The following SPAG16 variants were observed in gnomAD, a reference collection of about 807,000 sequenced individuals.
The protein encoded by SPAG16 is sperm associated antigen 16.
A neutral mutation model predicts 80.4 loss-of-function variants in SPAG16; 86 were observed. That is an observed-to-expected ratio of 1.07 (90% CI 0.90 to 1.28). The LOEUF (loss-of-function observed/expected upper bound fraction) is 1.28. Ranked by LOEUF, SPAG16 falls within the 50% of genes most tolerant of loss-of-function variation. SPAG16 has a pLI of 0.00. For synonymous variants in SPAG16, 294 were observed against 265.9 expected, an observed-to-expected ratio of 1.11 and a Z score of -1.03; for missense variants, 870 against 765.3, an observed-to-expected ratio of 1.14 and a Z score of -1.61.
intron 10 of SPAG16, among the ~76,000 whole-genome samples, chr2:213,803,579 A>G (rs1389668437): frequency 6.6e-6 from 1 of 152,192 alleles, no homozygotes; most frequent in East Asian, 1.9e-4. Context: ...AAAACAAAAC[A>G]AAGCAAAATA....
chr2:214,047,968 G>A (rs1322435745), intron 13 of SPAG16, among the ~76,000 whole-genome samples: 2 of 152,138 alleles, frequency 1.3e-5, no homozygotes, highest in African/African-American at 4.8e-5. Flanking sequence ...TCACAGAAGT[G>A]CAAATCAATG....
intron 9 of SPAG16, among the ~76,000 whole-genome samples, chr2:213,440,303 A>G (rs943583557): frequency 4.6e-5 from 7 of 152,176 alleles, no homozygotes; most frequent in Admixed American, 4.6e-4. Flanking sequence ...TAATCCCAGC[A>G]CTTTGGGAGG....
chr2:214,127,083 T>C (rs925655764), intron 14 of SPAG16, among the ~76,000 whole-genome samples: 1 of 151,856 alleles, frequency 6.6e-6, no homozygotes, highest in Non-Finnish European at 1.5e-5. Context: ...GCTGCTAATA[T>C]GGACATTCAG....
At chr2:213,531,748 CTCAT>C (rs1352916892) in intron 10 of SPAG16, among the ~76,000 whole-genome samples, 1 of 152,056 alleles carries the variant, frequency 6.6e-6, no homozygotes, top group Non-Finnish European at 1.5e-5. Flanking sequence ...TTTGAAATCT[CTCAT>C]TCATCAAAAA....
intron 10 of SPAG16, among the ~76,000 whole-genome samples, chr2:213,644,617 C>G (rs1221668451): frequency 6.6e-6 from 1 of 152,248 alleles, no homozygotes; most frequent in African/African-American, 2.4e-5. Context: ...CCTTCACAGT[C>G]TTGGACAAGG....
At chr2:213,535,764 A>C (rs886208999) in intron 10 of SPAG16, among the ~76,000 whole-genome samples, 1 of 152,162 alleles carries the variant, frequency 6.6e-6, no homozygotes, top group Non-Finnish European at 1.5e-5. Flanking sequence ...TTAGCAATTA[A>C]GAGTGCAGGC....
chr2:214,171,859 T>G (rs1231306659), intron 15 of SPAG16, among the ~76,000 whole-genome samples: 1 of 151,964 alleles, frequency 6.6e-6, no homozygotes, highest in African/African-American at 2.4e-5. Flanking sequence ...TGTTTTTTTC[T>G]TTTTAAAATA....
chr2:213,673,966 AGT>A (rs1391505322), intron 10 of SPAG16, among the ~76,000 whole-genome samples: 7 of 152,088 alleles, frequency 4.6e-5, no homozygotes, highest in Admixed American at 4.6e-4. Context: ...AATAGTTGCA[AGT>A]GTCATTTATA....
intron 13 of SPAG16, among the ~76,000 whole-genome samples, chr2:214,039,675 A>G (rs1030911765): frequency 2.0e-5 from 3 of 152,312 alleles, no homozygotes; most frequent in Admixed American, 2.0e-4. Flanking sequence ...TTGACTGACC[A>G]CTTAACTGGC....
chr2:213,362,286 A>G (rs2066025959), intron 7 of SPAG16, among the ~76,000 whole-genome samples: 1 of 152,230 alleles, frequency 6.6e-6, no homozygotes, highest in Admixed American at 6.5e-5. Context: ...TTAATGGTAT[A>G]AATATAAATG....
intron 13 of SPAG16, among the ~76,000 whole-genome samples, chr2:214,084,357 C>CT (rs2051578225): frequency 1.3e-5 from 2 of 152,100 alleles, no homozygotes; most frequent in Non-Finnish European, 2.9e-5. Context: ...TTTGAAATGA[C>CT]TTTTTTGTTT....
intron 14 of SPAG16, among the ~76,000 whole-genome samples, chr2:214,143,245 T>G (rs71409875): frequency 0.11 from 16,080 of 149,750 alleles, 978 homozygotes; most frequent in South Asian, 0.22. Context: ...TTTTTTTTTT[T>G]TTTTTTTTTT....
At chr2:213,296,190 CAT>C in intron 2 of SPAG16, 80 bp downstream of exon 2, 2 of 1,027,904 alleles carry the variant, frequency 1.9e-6, no homozygotes, top group African/African-American at 1.6e-5. Context: ...TTTTCTGAAA[CAT>C]GTAAGAACCA....
chr2:214,012,869 T>C lies in SPAG16; in HGVS notation c.1401-1082T>C, dbSNP rs2047383183. ...TTCTAATAGTTTAGATCAGTGGTTC[T>C]CAAACTTTAACATGTATCAGAATCA... On this transcript the variant is annotated intron_variant, in intron 12 of 15. Coordinates refer to ENST00000331683, the MANE Select transcript of SPAG16 (RefSeq NM_024532.5). Among the ~76,000 whole-genome samples, 3 of 152,176 alleles carry C rather than the reference T, an allele frequency of 2.0e-5. No homozygotes were observed. The South Asian group carries it at 6.2e-4, about 32-fold the overall frequency.
chr2:214,006,587 A>G (rs1306297170), intron 12 of SPAG16, among the ~76,000 whole-genome samples: 1 of 152,160 alleles, frequency 6.6e-6, no homozygotes, highest in Non-Finnish European at 1.5e-5. Flanking sequence ...AAAATGATAG[A>G]AAAAAAAGAT....
At position 213,329,327 on chromosome 2, in the gene SPAG16, G is replaced by A. The variant is rs150773904; in HGVS notation, c.537-10836G>A. Among the ~76,000 whole-genome samples the A allele has an allele frequency of 1.2e-3, 180 of 152,286 alleles. 2 individuals carry two copies. The highest frequency in any genetic ancestry group is 3.7e-3 in the African/African-American group (154 of 41,556). ...CCTCCCTAGAGACTTGTTGAATGGC[G>A]TTGCCCAAAGTGCTGATAATGATAT... On this transcript the variant is annotated intron_variant, in intron 5 of 15. Coordinates refer to ENST00000331683, the MANE Select transcript of SPAG16 (RefSeq NM_024532.5).
chr2:214,032,969 A>G (rs1002253386), intron 13 of SPAG16, among the ~76,000 whole-genome samples: 26 of 152,306 alleles, frequency 1.7e-4, no homozygotes, highest in African/African-American at 6.3e-4. Flanking sequence ...TAGAAATTCA[A>G]AAGACTGTTA....
intron 11 of SPAG16, among the ~76,000 whole-genome samples, chr2:213,871,528 A>T (rs1202915697): frequency 6.6e-6 from 1 of 151,958 alleles, no homozygotes. Context: ...GGACACATAC[A>T]TGCAAGCGGA....
intron 9 of SPAG16, among the ~76,000 whole-genome samples, chr2:213,455,414 C>T (rs2071940525): frequency 6.6e-6 from 1 of 152,054 alleles, no homozygotes; most frequent in Non-Finnish European, 1.5e-5. Flanking sequence ...TTAGAAGTTC[C>T]AGGGGCTAAT....
Sources: allele counts gnomAD v4.1 joint callset (sites outside exome capture counted in the v4.1 genomes callset), GRCh38; gene constraint gnomAD v4.1.1; transcripts MANE v1.5; gene names NCBI Gene and HGNC (gene_info 2026-07-23, HGNC 2026-07-21).